The following MSH3 variants were observed in gnomAD, a reference collection of about 807,000 sequenced individuals.
MSH3 encodes DNA mismatch repair protein Msh3.
MSH3 carries 106 observed loss-of-function variants against 123.3 expected under a neutral mutation model. That is an observed-to-expected ratio of 0.86 (90% CI 0.73 to 1.01). The LOEUF (loss-of-function observed/expected upper bound fraction) is 1.01. Ranked by LOEUF, MSH3 falls within the 50% of genes least tolerant of loss-of-function variation. The pLI is 0.00. For synonymous variants in MSH3, 515 were observed against 481.4 expected, an observed-to-expected ratio of 1.07 and a Z score of -0.91; for missense variants, 1,459 against 1,347.6, an observed-to-expected ratio of 1.08 and a Z score of -1.29.
At chr5:80,799,768 A>T (rs755123960) in intron 19 of MSH3, among the ~76,000 whole-genome samples, 9 of 151,954 alleles carry the variant, frequency 5.9e-5, no homozygotes, top group African/African-American at 9.7e-5. Context: ...TTCACTTAAC[A>T]TTCCAGTTCT....
At chr5:80,779,061 G>A (rs996683317) in intron 17 of MSH3, among the ~76,000 whole-genome samples, 13 of 149,356 alleles carry the variant, frequency 8.7e-5, no homozygotes, top group Non-Finnish European at 1.8e-4. Context: ...GCACGATCTC[G>A]GCTCACTGCA....
intron 20 of MSH3, among the ~76,000 whole-genome samples, chr5:80,818,530 C>CT (rs954577292): frequency 1.8e-4 from 27 of 149,938 alleles, no homozygotes; most frequent in East Asian, 5.9e-4. Flanking sequence ...ACACATAAAC[C>CT]TTTTTTTTTA....
Position 80,875,961 on chromosome 5 carries a change from C to T in MSH3, c.*99C>T. The stretch of plus-strand genomic sequence containing the variant: ...AGCCTATCTTTGTGTGACATGTGAG[C>T]ATAAAATTATGACCATGGTATATTC... On this transcript the variant is annotated 3_prime_UTR_variant, in exon 24 of 24. Coordinates refer to ENST00000265081, the MANE Select transcript of MSH3 (RefSeq NM_002439.5). 1.3e-6 allele frequency: 1 copy of T among 764,988 alleles called. No homozygotes were observed. The highest frequency in any genetic ancestry group is 2.3e-6 in the Non-Finnish European group (1 of 435,110). The allele number at this position is 764,988 out of a possible 1,614,324, so 47.4% of individuals were successfully genotyped here. A position where few individuals can be genotyped will look rare whatever the true frequency, so the allele number is the denominator to read the frequency against.
chr5:80,841,599 A>G (rs564371324), intron 20 of MSH3, among the ~76,000 whole-genome samples: 9 of 152,274 alleles, frequency 5.9e-5, no homozygotes, highest in East Asian at 3.9e-4. Flanking sequence ...TCATTGTTCT[A>G]ACTGGAATGA....
intron 8 of MSH3, among the ~76,000 whole-genome samples, chr5:80,693,786 T>C (rs1328912518): frequency 1.3e-5 from 2 of 152,052 alleles, no homozygotes; most frequent in East Asian, 3.9e-4. Context: ...GCCTCCCGAG[T>C]AGCTGGGACT....
intron 15 of MSH3, among the ~76,000 whole-genome samples, chr5:80,769,358 A>T (rs986496526): frequency 6.6e-6 from 1 of 152,108 alleles, no homozygotes; most frequent in Non-Finnish European, 1.5e-5. Flanking sequence ...TGATGAAATG[A>T]TACAAAGCCT....
chr5:80,830,595 T>C (rs973956175), intron 20 of MSH3, among the ~76,000 whole-genome samples: 2 of 152,234 alleles, frequency 1.3e-5, no homozygotes, highest in African/African-American at 4.8e-5. Context: ...ATAGTTAACA[T>C]TGAGTGAAAT....
intron 12 of MSH3, among the ~76,000 whole-genome samples, chr5:80,747,997 C>T (rs1268556806): frequency 6.6e-6 from 1 of 152,202 alleles, no homozygotes; most frequent in Non-Finnish European, 1.5e-5. Context: ...AAGTGCCTTA[C>T]TGATCACATC....
intron 16 of MSH3, 46 bp downstream of exon 16, chr5:80,775,804 T>G (rs1279926282): frequency 4.0e-6 from 4 of 999,268 alleles, no homozygotes; most frequent in South Asian, 3.9e-5. Context: ...TATGATGACA[T>G]CTGTATATCT....
At position 80,665,278 on chromosome 5, in the gene MSH3, A is replaced by G; in HGVS notation, c.494A>G (p.Lys165Arg). 6.2e-7 allele frequency: 1 copy of G among 1,613,998 alleles called. No homozygotes were observed. Among genetic ancestry groups the G allele is most frequent in the Non-Finnish European group, 8.5e-7 (1 of 1,179,980 alleles). Residue 165 changes from lysine to arginine, a missense_variant, in exon 3 of 24, where the codon AAA becomes AGA. Lys to Arg is a conservative substitution (Grantham distance 26, BLOSUM62 2). Coordinates refer to ENST00000265081, the MANE Select transcript of MSH3 (RefSeq NM_002439.5). Reference protein sequence around the residue: ...SLQERFAVLPKCTDFDDISLL... With the variant: ...SLQERFAVLPRCTDFDDISLL... ...CAGGAGAGATTTGCAGTTCTGCCAA[A>G]ATGTACTGATTTTGATGATATCAGT...
At chr5:80,742,040 C>G (rs1387280336) in intron 11 of MSH3, among the ~76,000 whole-genome samples, 1 of 150,340 alleles carries the variant, frequency 6.7e-6, no homozygotes, top group African/African-American at 2.4e-5. Context: ...GAGTCTCGCT[C>G]TGTTGCCCAG....
chr5:80,740,271 G>C (rs1743587186), intron 10 of MSH3, among the ~76,000 whole-genome samples: 1 of 152,066 alleles, frequency 6.6e-6, no homozygotes, highest in Non-Finnish European at 1.5e-5. Flanking sequence ...AATAAGGAGA[G>C]TGTGAATGCT....
At chr5:80,721,077 T>A (rs898234614) in intron 8 of MSH3, among the ~76,000 whole-genome samples, 1 of 152,212 alleles carries the variant, frequency 6.6e-6, no homozygotes, top group Admixed American at 6.5e-5. Flanking sequence ...CAGTATATTT[T>A]ACCTTTTACA....
chr5:80,744,838 T>C (rs574439965), intron 12 of MSH3, among the ~76,000 whole-genome samples: 3 of 152,232 alleles, frequency 2.0e-5, no homozygotes, highest in Non-Finnish European at 4.4e-5. Flanking sequence ...TAGGGCGTTG[T>C]CCCAGGAAAG....
At chr5:80,864,208 G>A (rs1340782523) in intron 21 of MSH3, among the ~76,000 whole-genome samples, 2 of 152,124 alleles carry the variant, frequency 1.3e-5, no homozygotes, top group Non-Finnish European at 2.9e-5. Flanking sequence ...CCCTTAGGTA[G>A]GAATTTGGGT....
At chr5:80,770,031 A>C (rs570633268) in intron 15 of MSH3, among the ~76,000 whole-genome samples, 1 of 152,266 alleles carries the variant, frequency 6.6e-6, no homozygotes, top group Non-Finnish European at 1.5e-5. Flanking sequence ...TGCCACATAG[A>C]GCTCTATATA....
chr5:80,676,284 GC>G (rs6151658), intron 7 of MSH3, among the ~76,000 whole-genome samples: 2,331 of 152,274 alleles, frequency 0.015, 45 homozygotes, highest in African/African-American at 0.044. Context: ...GCCCACCTCG[GC>G]CTCCCAAAAT....
chr5:80,739,309 C>G (rs1026022529), intron 10 of MSH3, among the ~76,000 whole-genome samples: 4 of 152,214 alleles, frequency 2.6e-5, no homozygotes, highest in African/African-American at 9.6e-5. Flanking sequence ...CATGTGAACT[C>G]TTGTCAGCTA....
At chr5:80,775,395 T>C (rs1469238481) in intron 15 of MSH3, among the ~76,000 whole-genome samples, 1 of 152,098 alleles carries the variant, frequency 6.6e-6, no homozygotes. Context: ...TGAGTATTAA[T>C]AAATGAAAGA....
Sources: allele counts gnomAD v4.1 joint callset (sites outside exome capture counted in the v4.1 genomes callset), GRCh38; gene constraint gnomAD v4.1.1; transcripts MANE v1.5; gene names NCBI Gene and HGNC (gene_info 2026-07-23, HGNC 2026-07-21).